The following NCAM2 variants were observed in gnomAD, a reference collection of about 807,000 sequenced individuals.
NCAM2 encodes N-CAM-2.
A neutral mutation model predicts 98.1 loss-of-function variants in NCAM2; 30 were observed. That is an observed-to-expected ratio of 0.31 (90% CI 0.23 to 0.41). The LOEUF (loss-of-function observed/expected upper bound fraction) is 0.41. NCAM2 is among the 10% of genes least tolerant of loss of function. The pLI, the probability that NCAM2 is intolerant of heterozygous loss-of-function variation, is 1.00. For missense variants in NCAM2, 867 were observed against 1,005.8 expected (o/e 0.86, Z 1.87); for synonymous variants, 368 against 342.4 (o/e 1.07, Z -0.83).
chr21:21,473,740 C>G (rs1361852696), intron 14 of NCAM2, among the ~76,000 whole-genome samples: 1 of 151,818 alleles, frequency 6.6e-6, no homozygotes, highest in Non-Finnish European at 1.5e-5. Context: ...ATAAAAGTAT[C>G]AAGCAGCCCC....
chr21:21,311,334 C>CTT (rs1568919300), intron 5 of NCAM2, among the ~76,000 whole-genome samples: 2 of 115,896 alleles, frequency 1.7e-5, no homozygotes, highest in African/African-American at 6.5e-5. Context: ...AAATATGGGG[C>CTT]ATTTTTTTTT....
rs573242282 is a variant in NCAM2, at chr21:21,278,923, T to C, written c.56-1655T>C. On this transcript the variant is annotated intron_variant, in intron 1 of 17. Coordinates refer to ENST00000400546, the MANE Select transcript of NCAM2 (RefSeq NM_004540.5). The stretch of plus-strand genomic sequence containing the variant: ...AAAAATTATGTTAGTTGAAATCTCA[T>C]GGGTTTATTTCTCCTATTTGCTGTT... Among the ~76,000 whole-genome samples the C allele has an allele frequency of 2.6e-5, 4 of 152,192 alleles. No individual in the cohort carries two copies. In the East Asian group the frequency reaches 7.7e-4, roughly 29 times the overall value.
chr21:21,338,425 C>A lies in NCAM2; in HGVS notation c.935C>A (p.Thr312Lys), dbSNP rs1568951101. Residue 312 changes from threonine to lysine, a missense_variant, in exon 8 of 18, where the codon ACA (threonine) becomes AAA (lysine). By Grantham distance (78) the Thr-to-Lys change is moderately conservative. This residue lies in a region of NCAM2 where 447 missense variants were observed against 495.7 expected (regional missense o/e 0.90). Transcript: ENST00000400546. The part of the protein sequence containing the change: ...PHIIQLKNET[T>K]YENGQVTLVC... ...ATAATACAGCTTAAAAATGAAACTA[C>A]ATATGAGAATGGTCAAGTCACACTC... 6.2e-7 allele frequency: 1 copy of A among 1,612,446 alleles called. No individual in the cohort carries two copies. Among genetic ancestry groups the A allele is most frequent in the Non-Finnish European group, 8.5e-7 (1 of 1,178,926 alleles).
chr21:21,199,951 G>A (rs576665337), intron 1 of NCAM2, among the ~76,000 whole-genome samples: 1 of 152,150 alleles, frequency 6.6e-6, no homozygotes, highest in South Asian at 2.1e-4. Context: ...ACTAAAGAGA[G>A]AATTCACATG....
At chr21:21,506,262 T>C (rs1987973080) in intron 15 of NCAM2, among the ~76,000 whole-genome samples, 1 of 152,142 alleles carries the variant, frequency 6.6e-6, no homozygotes, top group Non-Finnish European at 1.5e-5. Context: ...TCCTGAGCTT[T>C]AGTTGTTGAG....
At chr21:21,236,926 G>C (rs1476205722) in intron 1 of NCAM2, among the ~76,000 whole-genome samples, 2 of 152,136 alleles carry the variant, frequency 1.3e-5, no homozygotes. Flanking sequence ...GAGTTATGTA[G>C]ACAATAGTGT....
At chr21:21,223,319 T>C (rs1190541704) in intron 1 of NCAM2, 1 of 152,134 alleles carries the variant, frequency 6.6e-6, no homozygotes, top group African/African-American at 2.4e-5. Context: ...GAGATTTACT[T>C]TTATTTTTCG....
At chr21:21,223,767 T>C (rs951969764) in intron 1 of NCAM2, 3 of 152,180 alleles carry the variant, frequency 2.0e-5, no homozygotes, top group South Asian at 4.1e-4. Context: ...AAAACAGTTA[T>C]ATTAATAAAA....
chr21:21,026,147 G>A (rs894823341), intron 1 of NCAM2, among the ~76,000 whole-genome samples: 2 of 152,150 alleles, frequency 1.3e-5, no homozygotes, highest in Non-Finnish European at 2.9e-5. Context: ...GAGAGAAACT[G>A]ACATGAACCT....
chr21:21,054,371 T>C (rs1568972743), intron 1 of NCAM2, among the ~76,000 whole-genome samples: 1 of 152,052 alleles, frequency 6.6e-6, no homozygotes, highest in Non-Finnish European at 1.5e-5. Flanking sequence ...TAAATCTTAC[T>C]GCTAACGTAC....
In NCAM2 at chr21:21,322,077, C is replaced by G. The variant is rs553617712; in HGVS notation, c.620-2306C>G. On this transcript the variant is annotated intron_variant, in intron 5 of 17. Coordinates refer to ENST00000400546, the MANE Select transcript of NCAM2 (RefSeq NM_004540.5). ...AACCTTGGTACCCATCAACGGTGGACTGGATAAATAAAATGCAGTACCTAT... is the reference window on the plus strand; with the variant it reads ...AACCTTGGTACCCATCAACGGTGGAGTGGATAAATAAAATGCAGTACCTAT... Among the ~76,000 whole-genome samples the G allele has an allele frequency of 7.0e-4, 106 of 152,274 alleles. No individual in the cohort carries two copies. The South Asian group carries it at 0.015, about 22-fold the overall frequency.
At chr21:21,421,205 A>G (rs1602289794) in intron 11 of NCAM2, among the ~76,000 whole-genome samples, 2 of 152,086 alleles carry the variant, frequency 1.3e-5, no homozygotes, top group East Asian at 1.9e-4. Flanking sequence ...CATGAACTTC[A>G]CAGGTAGTAT....
chr21:21,387,528 A>AAT (rs397770932), intron 9 of NCAM2, among the ~76,000 whole-genome samples: 2 of 151,674 alleles, frequency 1.3e-5, no homozygotes, highest in African/African-American at 2.4e-5. Context: ...CAAAAAAAAA[A>AAT]CTCAGTGAAG....
intron 5 of NCAM2, among the ~76,000 whole-genome samples, chr21:21,313,599 G>T (rs914941725): frequency 6.6e-6 from 1 of 151,676 alleles, no homozygotes; most frequent in African/African-American, 2.4e-5. Context: ...CATTTCAAGT[G>T]ATTTCTTATA....
chr21:21,001,805 G>A (rs1307555039), intron 1 of NCAM2, among the ~76,000 whole-genome samples: 1 of 152,212 alleles, frequency 6.6e-6, no homozygotes, highest in African/African-American at 2.4e-5. Context: ...GTGAGGAAAG[G>A]AGGGGTGAAT....
At chr21:21,035,427 TA>T (rs1413484934) in intron 1 of NCAM2, among the ~76,000 whole-genome samples, 3 of 152,218 alleles carry the variant, frequency 2.0e-5, no homozygotes, top group Non-Finnish European at 2.9e-5. Flanking sequence ...AAACATACTT[TA>T]CCCAATTGCT....
At chr21:21,156,031 G>T (rs2146742788) in intron 1 of NCAM2, among the ~76,000 whole-genome samples, 1 of 152,048 alleles carries the variant, frequency 6.6e-6, no homozygotes, top group East Asian at 1.9e-4. Context: ...TGGTGAGTTT[G>T]TAGTAGTCAT....
At chr21:21,269,476 A>G (rs1459553648) in intron 1 of NCAM2, among the ~76,000 whole-genome samples, 1 of 152,198 alleles carries the variant, frequency 6.6e-6, no homozygotes. Flanking sequence ...TTCTTTGATT[A>G]TAGATGTCGA....
intron 1 of NCAM2, among the ~76,000 whole-genome samples, chr21:21,179,093 C>T (rs1276363599): frequency 3.9e-5 from 6 of 151,908 alleles, no homozygotes; most frequent in Admixed American, 3.3e-4. Flanking sequence ...AAGAGTTTCA[C>T]GAAATTAAGG....
Sources: allele counts gnomAD v4.1 joint callset (sites outside exome capture counted in the v4.1 genomes callset), GRCh38; gene constraint gnomAD v4.1.1; regional missense constraint gnomAD v4.1.1; transcripts MANE v1.5; gene names NCBI Gene and HGNC (gene_info 2026-07-23, HGNC 2026-07-21).